The following TPH2 variants were observed in gnomAD, a reference collection of about 807,000 sequenced individuals.
The protein encoded by TPH2 is tryptophan 5-hydroxylase 2.
Under a neutral mutation model 59.1 loss-of-function variants are expected in TPH2, and 27 were observed. The ratio of observed to expected loss-of-function variants is 0.46; its 90% CI spans 0.34 to 0.63. TPH2 has a LOEUF of 0.63. Ranked by LOEUF, TPH2 falls within the 30% of genes least tolerant of loss-of-function variation. TPH2 has a pLI of 0.01. For synonymous variants in TPH2, 220 were observed against 210.5 expected (o/e 1.05, Z -0.39); for missense variants, 523 against 588.3 (o/e 0.89, Z 1.15).
At chr12:71,986,324 C>T (rs531057149) in intron 7 of TPH2, among the ~76,000 whole-genome samples, 75 of 152,252 alleles carry the variant, frequency 4.9e-4, no homozygotes, top group Middle Eastern at 3.4e-3. Flanking sequence ...AATTCCAGTG[C>T]GTCCTTAGTT....
At chr12:72,029,899 T>C (rs1477740894) in intron 9 of TPH2, among the ~76,000 whole-genome samples, 1 of 152,152 alleles carries the variant, frequency 6.6e-6, no homozygotes. Context: ...GTTGGAGGAA[T>C]GCACGAAGAA....
intron 9 of TPH2, among the ~76,000 whole-genome samples, chr12:72,029,267 A>G (rs1873653579): frequency 6.6e-6 from 1 of 152,194 alleles, no homozygotes; most frequent in African/African-American, 2.4e-5. Context: ...CTTACAGCCT[A>G]TTCTGCTACC....
rs545695435 is a variant in TPH2, at chr12:72,031,678, C to A, written c.1456C>A (p.Gln486Lys). The change falls in exon 11 of 11, where the codon CAA (glutamine) becomes AAA (lysine). Residue 486 changes from glutamine (Q) to lysine (K), a missense_variant. Coordinates refer to ENST00000333850, the MANE Select transcript of TPH2 (RefSeq NM_173353.4). Reference protein sequence around the residue: ...TVCDALNKMNQYLGI With the variant: ...TVCDALNKMNKYLGI The stretch of plus-strand genomic sequence containing the variant: ...GTGTGATGCTTTAAACAAAATGAAC[C>A]AATATCTGGGGATTTGATGCCTGGA... The A allele has an allele frequency of 1.4e-5, 23 of 1,613,400 alleles. No individual in the cohort carries two copies. The highest frequency in any genetic ancestry group is 1.0e-4 in the Admixed American group (6 of 59,992).
At chr12:71,999,827 T>A (rs955264273) in intron 8 of TPH2, among the ~76,000 whole-genome samples, 2 of 152,214 alleles carry the variant, frequency 1.3e-5, no homozygotes, top group Non-Finnish European at 2.9e-5. Flanking sequence ...TCCTTATATC[T>A]AAAATTAAAT....
chr12:71,991,354 A>C (rs1261422486), intron 7 of TPH2, among the ~76,000 whole-genome samples: 1 of 152,174 alleles, frequency 6.6e-6, no homozygotes. Context: ...TGTAGCTTTG[A>C]CCTACCCTAT....
intron 7 of TPH2, among the ~76,000 whole-genome samples, chr12:71,984,540 C>T (rs1418374235): frequency 6.6e-6 from 1 of 152,128 alleles, no homozygotes; most frequent in African/African-American, 2.4e-5. Context: ...TTGCTGAAGT[C>T]TTCTCAGCAT....
intron 3 of TPH2, 51 bp from the exon 4 acceptor site, chr12:71,944,535 G>C: frequency 6.2e-7 from 1 of 1,613,694 alleles, no homozygotes; most frequent in Non-Finnish European, 8.5e-7. Context: ...TTGCAAAGGG[G>C]AAAACACAAT....
intron 1 of TPH2, among the ~76,000 whole-genome samples, 183 bp downstream of exon 1, chr12:71,939,274 G>A (rs1346288350): frequency 6.6e-6 from 1 of 151,900 alleles, no homozygotes; most frequent in Non-Finnish European, 1.5e-5. Flanking sequence ...CATAAGTAAA[G>A]CGAGTGTGCC....
chr12:71,950,335 G>C (rs1006505893), intron 5 of TPH2, among the ~76,000 whole-genome samples: 1 of 152,174 alleles, frequency 6.6e-6, no homozygotes, highest in Non-Finnish European at 1.5e-5. Context: ...TCCGAAAAGA[G>C]AGTCAGCGAA....
chr12:71,982,013 G>GTTTTTTT (rs1468983565), intron 7 of TPH2, among the ~76,000 whole-genome samples: 1 of 55,672 alleles, frequency 1.8e-5, no homozygotes, highest in Non-Finnish European at 4.1e-5. Context: ...CATATCATTC[G>GTTTTTTT]TATTTTTTTT....
chr12:71,968,597 C>A (rs762166244), intron 5 of TPH2, among the ~76,000 whole-genome samples: 1 of 152,198 alleles, frequency 6.6e-6, no homozygotes, highest in Non-Finnish European at 1.5e-5. Context: ...AGTAAGGGTC[C>A]GGTTGGGAAA....
chr12:71,960,153 A>C (rs1166644566), intron 5 of TPH2, among the ~76,000 whole-genome samples: 3 of 152,180 alleles, frequency 2.0e-5, no homozygotes, highest in Non-Finnish European at 4.4e-5. Flanking sequence ...ACAAAACCAA[A>C]TATTTGTAGT....
intron 8 of TPH2, among the ~76,000 whole-genome samples, chr12:72,020,649 G>T (rs926953856): frequency 6.6e-6 from 1 of 152,030 alleles, no homozygotes; most frequent in African/African-American, 2.4e-5. Context: ...ACCACGCCCA[G>T]CTAATTTTTG....
At chr12:72,022,292 A>G (rs769634482) in intron 8 of TPH2, 107 bp from the exon 9 acceptor site, 12 of 748,362 alleles carry the variant, frequency 1.6e-5, no homozygotes, top group Non-Finnish European at 2.2e-5. Flanking sequence ...TTAAATTGAT[A>G]ATATTGAAGA....
At chr12:71,951,392 G>A (rs750395715) in intron 5 of TPH2, among the ~76,000 whole-genome samples, 33 of 152,178 alleles carry the variant, frequency 2.2e-4, no homozygotes, top group Admixed American at 3.9e-4. Context: ...CCAGAACATG[G>A]TAGAAGCTCA....
chr12:72,001,787 C>T (rs1212927289), intron 8 of TPH2, among the ~76,000 whole-genome samples: 1 of 151,768 alleles, frequency 6.6e-6, no homozygotes. Context: ...TTTGAAGGTG[C>T]CATTGGTTGT....
chr12:71,938,891 A>T lies in TPH2; in HGVS notation c.-96A>T. The T allele has an allele frequency of 9.7e-7, 1 of 1,030,098 alleles. No individual in the cohort carries two copies. Among genetic ancestry groups the T allele is most frequent in the Non-Finnish European group, 1.5e-6 (1 of 656,494 alleles). The allele number at this position is 1,030,098 out of a possible 1,614,324, so 63.8% of individuals were successfully genotyped here. On this transcript the variant is annotated 5_prime_UTR_variant, in exon 1 of 11. Coordinates refer to ENST00000333850, the MANE Select transcript of TPH2 (RefSeq NM_173353.4). ...GTTCTGGACAGCGCCCCAAGCAGGCAGCTGATCGCACGCCCCTTCCTCTCA... is the reference window on the plus strand; with the variant it reads ...GTTCTGGACAGCGCCCCAAGCAGGCTGCTGATCGCACGCCCCTTCCTCTCA...
At chr12:71,955,725 T>A (rs1272869663) in intron 5 of TPH2, among the ~76,000 whole-genome samples, 3 of 152,218 alleles carry the variant, frequency 2.0e-5, no homozygotes, top group Non-Finnish European at 4.4e-5. Context: ...ATAATATTGT[T>A]ATTTTCTCAC....
intron 5 of TPH2, among the ~76,000 whole-genome samples, chr12:71,967,837 A>G (rs912416394): frequency 2.0e-5 from 3 of 152,234 alleles, no homozygotes; most frequent in Non-Finnish European, 2.9e-5. Flanking sequence ...AATTATTAGT[A>G]TAGTCTCATT....
Sources: allele counts gnomAD v4.1 joint callset (sites outside exome capture counted in the v4.1 genomes callset), GRCh38; gene constraint gnomAD v4.1.1; transcripts MANE v1.5; gene names NCBI Gene and HGNC (gene_info 2026-07-23, HGNC 2026-07-21).